The following FAM200B variants were observed in gnomAD, a reference collection of about 807,000 sequenced individuals.
The protein encoded by FAM200B is zinc finger BED-type containing 11.
A neutral mutation model predicts 33.1 loss-of-function variants in FAM200B; 32 were observed. The ratio of observed to expected loss-of-function variants is 0.97; its 90% confidence interval spans 0.73 to 1.30. FAM200B has a LOEUF of 1.30. Ranked by LOEUF, FAM200B falls within the 50% of genes most tolerant of loss-of-function variation. FAM200B has a pLI of 0.00. For missense variants in FAM200B, 741 were observed against 754.0 expected (o/e 0.98, Z 0.20); for synonymous variants, 240 against 264.8 (o/e 0.91, Z 0.91).
the FAM200B span, among the ~76,000 whole-genome samples, chr4:15,648,722 T>C: frequency 6.6e-6 from 1 of 151,990 alleles, no homozygotes; most frequent in South Asian, 2.1e-4. Context: ...ATGGAGAAAA[T>C]GGGGAGATGC....
At chr4:15,662,178 G>A in the FAM200B span, among the ~76,000 whole-genome samples, 4 of 152,192 alleles carry the variant, frequency 2.6e-5, no homozygotes, top group African/African-American at 9.7e-5. Flanking sequence ...CCTAATAAAC[G>A]AAGGGATTAA....
chr4:15,685,036 A>T (rs191981033), intron 1 of FAM200B: 1 of 152,348 alleles, frequency 6.6e-6, no homozygotes, highest in East Asian at 1.9e-4. Context: ...TTCCTAGAAG[A>T]AGTCATGGTC....
chr4:15,640,716 AAG>A, the FAM200B span: 10 of 767,568 alleles, frequency 1.3e-5, no homozygotes, highest in Middle Eastern at 3.9e-4. Context: ...CATTATTTTG[AAG>A]AGTCTCTAAA....
At chr4:15,644,785 C>T in the FAM200B span, 5 of 1,045,858 alleles carry the variant, frequency 4.8e-6, no homozygotes, top group Non-Finnish European at 6.9e-6. Context: ...AAATACATCC[C>T]TATTCACTTT....
the FAM200B span, among the ~76,000 whole-genome samples, chr4:15,647,825 G>A: frequency 6.6e-6 from 1 of 152,078 alleles, no homozygotes; most frequent in Admixed American, 6.6e-5. Flanking sequence ...TGTAAAACAG[G>A]GCTAATAATA....
At chr4:15,678,727 T>A (rs771313876), upstream of FAM200B, among the ~76,000 whole-genome samples, 1 of 152,236 alleles carries the variant, frequency 6.6e-6, no homozygotes, top group Non-Finnish European at 1.5e-5. Context: ...AATCAGCTTT[T>A]AATTATAAGC....
At chr4:15,656,000 G>A in the FAM200B span, among the ~76,000 whole-genome samples, 2 of 152,228 alleles carry the variant, frequency 1.3e-5, no homozygotes, top group Admixed American at 1.3e-4. Flanking sequence ...CAGAGACCGC[G>A]AGAGAGAGTT....
the FAM200B span, among the ~76,000 whole-genome samples, chr4:15,639,646 C>G: frequency 6.6e-6 from 1 of 152,106 alleles, no homozygotes; most frequent in Non-Finnish European, 1.5e-5. Context: ...GGATATCATA[C>G]AGTTAAAAAA....
the FAM200B span, among the ~76,000 whole-genome samples, chr4:15,650,216 A>G: frequency 2.0e-5 from 3 of 152,192 alleles, no homozygotes; most frequent in Non-Finnish European, 4.4e-5. Flanking sequence ...AAAAGAAATC[A>G]TCTGCCTCAA....
chr4:15,639,173 T>G, the FAM200B span, among the ~76,000 whole-genome samples: 10 of 152,230 alleles, frequency 6.6e-5, no homozygotes, highest in Admixed American at 1.3e-4. Context: ...TCCAGAAAAA[T>G]AAATAAATAA....
the FAM200B span, among the ~76,000 whole-genome samples, chr4:15,670,022 T>C: frequency 6.6e-6 from 1 of 152,238 alleles, no homozygotes; most frequent in African/African-American, 2.4e-5. Flanking sequence ...AGCTACTGTA[T>C]TGTTATATCT....
chr4:15,653,368 G>A, the FAM200B span, among the ~76,000 whole-genome samples: 4 of 152,068 alleles, frequency 2.6e-5, no homozygotes, highest in Non-Finnish European at 5.9e-5. Context: ...TCAACCACCA[G>A]GAAGAGACAG....
At chr4:15,683,114 G>A (rs935062013) in intron 1 of FAM200B, among the ~76,000 whole-genome samples, 6 of 152,184 alleles carry the variant, frequency 3.9e-5, no homozygotes. Context: ...ATCAAGCATT[G>A]TAACAATAAC....
At chr4:15,648,119 G>GA in the FAM200B span, among the ~76,000 whole-genome samples, 2 of 152,160 alleles carry the variant, frequency 1.3e-5, no homozygotes, top group East Asian at 3.9e-4. Context: ...AGCATCCTGA[G>GA]TTGCTGAGAT....
At chr4:15,653,920 A>G in the FAM200B span, among the ~76,000 whole-genome samples, 2 of 152,214 alleles carry the variant, frequency 1.3e-5, no homozygotes, top group African/African-American at 4.8e-5. Context: ...AATAGTTTTT[A>G]GTTTAAGGCT....
chr4:15,679,478 C>A (rs1718120268), upstream of FAM200B, among the ~76,000 whole-genome samples: 1 of 149,980 alleles, frequency 6.7e-6, no homozygotes, highest in Non-Finnish European at 1.5e-5. Flanking sequence ...CAAGGAAGCA[C>A]AGATTTTGAT....
chr4:15,688,379 T>A lies in FAM200B; in HGVS notation c.1402T>A (p.Leu468Met). 6.5e-7 allele frequency: 1 copy of A among 1,549,094 alleles called. No homozygotes were observed. The highest frequency in any genetic ancestry group is 1.7e-4 in the Middle Eastern group (1 of 5,980). ...TATCCAGGGATTTCGAAAGACATTA[T>A]TGTTATGGCAAGTAAGACTTAAAAG... ...ERIQGFRKTL[L>M]LWQVRLKSNR... Residue 468 changes from leucine to methionine, a missense_variant, in exon 2 of 2, where the codon TTG (leucine) becomes ATG (methionine). Physicochemically the swap from Leu to Met is conservative, Grantham distance 15. Coordinates refer to ENST00000422728, the MANE Select transcript of FAM200B (RefSeq NM_001145191.2).
At chr4:15,640,359 T>G in the FAM200B span, among the ~76,000 whole-genome samples, 1 of 108,470 alleles carries the variant, frequency 9.2e-6, no homozygotes, top group African/African-American at 3.6e-5. Context: ...CTAATACATT[T>G]AAAGCCACCA....
the FAM200B span, among the ~76,000 whole-genome samples, chr4:15,637,741 T>C: frequency 6.6e-6 from 1 of 152,200 alleles, no homozygotes; most frequent in Non-Finnish European, 1.5e-5. Flanking sequence ...CTTGTAAAAT[T>C]ATTTTAGTTT....
Sources: gnomAD v4.1 joint callset for allele counts (sites outside exome capture counted in the v4.1 genomes callset) on GRCh38, gnomAD v4.1.1 for gene constraint, MANE v1.5 for transcripts, NCBI Gene and HGNC (gene_info 2026-07-23, HGNC 2026-07-21) for gene names.